Variants in ALDOB observed in about 807,000 individuals in gnomAD.
The protein encoded by ALDOB is aldolase, fructose-bisphosphate B, also known as fructose-bisphosphate aldolase B.
A neutral mutation model predicts 41.0 loss-of-function variants in ALDOB; 39 were observed. That is an observed-to-expected ratio of 0.95 (90% CI 0.74 to 1.24). The LOEUF (loss-of-function observed/expected upper bound fraction) is 1.24, where lower values mean the gene tolerates loss of function less well. Ranked by LOEUF, ALDOB falls within the 50% of genes most tolerant of loss-of-function variation. ALDOB has a pLI of 0.00. For synonymous variants in ALDOB, 175 were observed against 168.8 expected, an observed-to-expected ratio of 1.04 and a Z score of -0.28; for missense variants, 530 against 457.3, an observed-to-expected ratio of 1.16 and a Z score of -1.45.
At position 101,421,671 on chromosome 9, in the gene ALDOB, T is replaced by C; in HGVS notation, c.*138A>G. ...AATAACTGATTTATTTTTTCCCCCTTGTACTTAAGATTTAACATGTGTTGT... is the reference window on the plus strand; with the variant it reads ...AATAACTGATTTATTTTTTCCCCCTCGTACTTAAGATTTAACATGTGTTGT... On this transcript the variant is annotated 3_prime_UTR_variant, in exon 9 of 9. Transcript: ENST00000647789. 2.6e-6 allele frequency: 2 copies of C among 756,646 alleles called. No homozygotes were observed. The highest frequency in any genetic ancestry group is 2.7e-5 in the East Asian group (1 of 37,658). 46.9% of individuals were successfully genotyped at this position (756,646 alleles called of 1,614,324 possible). A position where few individuals can be genotyped will look rare whatever the true frequency, so the allele number is the denominator to read the frequency against.
At chr9:101,430,077 T>C in intron 2 of ALDOB, 111 bp from the exon 3 acceptor site, 1 of 996,956 alleles carries the variant, frequency 1.0e-6, no homozygotes, top group Non-Finnish European at 1.6e-6. Flanking sequence ...GACTTTCTTT[T>C]TTCAGATAGT....
intron 8 of ALDOB, among the ~76,000 whole-genome samples, chr9:101,422,268 C>T (rs1277463626): frequency 6.6e-6 from 1 of 152,128 alleles, no homozygotes; most frequent in Non-Finnish European, 1.5e-5. Context: ...CATTTTCTAC[C>T]TATATTGGTC....
At chr9:101,433,834 A>T (rs1294563665) in intron 1 of ALDOB, among the ~76,000 whole-genome samples, 1 of 152,090 alleles carries the variant, frequency 6.6e-6, no homozygotes, top group East Asian at 1.9e-4. Flanking sequence ...CACTGGCACA[A>T]TCATGACTCA....
At chr9:101,428,372 G>GTAA in intron 4 of ALDOB, 97 bp downstream of exon 4, 1 of 1,123,164 alleles carries the variant, frequency 8.9e-7, no homozygotes, top group Non-Finnish European at 1.4e-6. Flanking sequence ...TAAGACCAGT[G>GTAA]TAATAGTTGT....
At chr9:101,424,419 AAAAC>A (rs71356350) in intron 8 of ALDOB, among the ~76,000 whole-genome samples, 37,621 of 151,814 alleles carry the variant, frequency 0.25, 5,808 homozygotes, top group Non-Finnish European at 0.35. Context: ...ACTCCATCTC[AAAAC>A]AAACAAACAA....
At position 101,421,891 on chromosome 9, in the gene ALDOB, G is replaced by T. The variant is rs77718928; in HGVS notation, c.1013C>A (p.Ala338Glu). 1 of 1,613,818 alleles carries T rather than the reference G, an allele frequency of 6.2e-7. No individual in the cohort carries two copies. The highest frequency in any genetic ancestry group is 8.5e-7 in the Non-Finnish European group (1 of 1,179,910). Reference protein sequence around the residue: ...FMKRAMANCQAAKGQYVHTGS... With the variant: ...FMKRAMANCQEAKGQYVHTGS... ...CGTGTGAACATACTGTCCTTTGGCC[G>T]CCTGGCAGTTAGCCTAGAAGACAAA... Residue 338 changes from alanine to glutamate, a missense_variant, in exon 9 of 9, where the codon GCG becomes GAG. Transcript: ENST00000647789.
intron 5 of ALDOB, 25 bp from the exon 6 acceptor site, chr9:101,426,663 A>G: frequency 4.2e-6 from 6 of 1,420,658 alleles, no homozygotes; most frequent in Non-Finnish European, 6.0e-6. Context: ...CAAGGAAGCA[A>G]AAGTGAAGCT....
intron 3 of ALDOB, 109 bp downstream of exon 3, chr9:101,429,646 A>G: frequency 9.4e-7 from 1 of 1,063,410 alleles, no homozygotes; most frequent in South Asian, 1.3e-5. Context: ...AAAGGGTGAG[A>G]AGAGAAATTT....
chr9:101,428,793 T>C (rs1369327194), intron 3 of ALDOB, among the ~76,000 whole-genome samples: 1 of 152,176 alleles, frequency 6.6e-6, no homozygotes, highest in Non-Finnish European at 1.5e-5. Flanking sequence ...CAACCTCTAC[T>C]CTCTACATAG....
intron 7 of ALDOB, among the ~76,000 whole-genome samples, 200 bp from the exon 8 acceptor site, chr9:101,425,242 A>C (rs1831108173): frequency 6.6e-6 from 1 of 152,210 alleles, no homozygotes; most frequent in Admixed American, 6.5e-5. Flanking sequence ...TAAGGAAGGC[A>C]GTGAAATGTT....
intron 1 of ALDOB, among the ~76,000 whole-genome samples, chr9:101,431,416 C>T (rs1426179014): frequency 6.6e-6 from 1 of 152,208 alleles, no homozygotes; most frequent in Non-Finnish European, 1.5e-5. Context: ...AGCTAACTTC[C>T]ATTTGGCCTC....
intron 1 of ALDOB, among the ~76,000 whole-genome samples, chr9:101,435,343 G>A (rs149714619): frequency 1.3e-5 from 2 of 152,300 alleles, no homozygotes; most frequent in African/African-American, 4.8e-5. Context: ...TATGAAAAGA[G>A]AGTTGAGAGT....
chr9:101,431,942 A>G (rs951502198), intron 1 of ALDOB, among the ~76,000 whole-genome samples: 13 of 152,146 alleles, frequency 8.5e-5, no homozygotes, highest in African/African-American at 3.1e-4. Context: ...GTCTCATCTG[A>G]TCCATTGGCA....
At position 101,421,756 on chromosome 9, in the gene ALDOB, C is replaced by T. The variant is rs183809646; in HGVS notation, c.*53G>A. On this transcript the variant is annotated 3_prime_UTR_variant, in exon 9 of 9. Coordinates refer to ENST00000647789, the MANE Select transcript of ALDOB (RefSeq NM_000035.4). ...TCCAGGATTGGAGGAAAAGTTGCTC[C>T]CTTTCAGCCCTCCTACTAGAAGCAC... The T allele has an allele frequency of 5.2e-5, 77 of 1,483,882 alleles. No individual in the cohort carries two copies. The East Asian group carries it at 1.7e-3, about 33-fold the overall frequency. The allele number at this position is 1,483,882 out of a possible 1,614,324, so 91.9% of individuals were successfully genotyped here. A position where few individuals can be genotyped will look rare whatever the true frequency, so the allele number is the denominator to read the frequency against.
chr9:101,425,625 G>A lies in ALDOB; in HGVS notation c.627C>T (p.Val209=). 1 of 1,614,100 alleles carries A rather than the reference G, an allele frequency of 6.2e-7. No individual in the cohort carries two copies. Among genetic ancestry groups the A allele is most frequent in the South Asian group, 1.1e-5 (1 of 91,072 alleles). ...LEHCQYVTEK[V]LAAVYKALND... ...TCAGGGCCTTGTAGACAGCAGCCAG[G>A]ACCTGAAGGACAAGAGGTCCCACCA... Residue 209 remains valine, a splice_region_variant and synonymous_variant, in exon 7 of 9, where the codon GTC becomes GTT. Coordinates refer to ENST00000647789, the MANE Select transcript of ALDOB (RefSeq NM_000035.4).
At position 101,430,833 on chromosome 9, in the gene ALDOB, T is replaced by TAGA; in HGVS notation, c.54_55insTCT (p.Glu18_Ile19insSer). ...CCATTGGCAACAATGCTCTGGGCAATTTCTGAGAGCTCCTTCTTCTGCTCC... is the reference window on the plus strand; with the variant it reads ...CCATTGGCAACAATGCTCTGGGCAATAGATTCTGAGAGCTCCTTCTTCTGCTCC... On this transcript the variant is annotated inframe_insertion, in exon 2 of 9. Coordinates refer to ENST00000647789, the MANE Select transcript of ALDOB (RefSeq NM_000035.4). The TAGA allele has an allele frequency of 6.2e-7, 1 of 1,614,200 alleles. No homozygotes were observed. The highest frequency in any genetic ancestry group is 1.1e-5 in the South Asian group (1 of 91,084).
At chr9:101,435,669 TG>T (rs1831280771) in intron 1 of ALDOB, 39 bp downstream of exon 1, 1 of 152,200 alleles carries the variant, frequency 6.6e-6, no homozygotes, top group African/African-American at 2.4e-5. Context: ...CCTTATTCAC[TG>T]GTGCTGTCCA....
Position 101,432,163 on chromosome 9 carries a change from A to T in ALDOB, c.-10-1266T>A, listed in dbSNP as rs145701258. Among the ~76,000 whole-genome samples, 624 of 152,344 alleles carry T rather than the reference A, an allele frequency of 4.1e-3. 3 individuals carry two copies. Among genetic ancestry groups the T allele is most frequent in the Non-Finnish European group, 4.8e-3 (324 of 68,036 alleles). ...CCCTTGATATAAAAAGTCAGTAGCC[A>T]CTGAGCTAATTCATGAGAAGGTATA... On this transcript the variant is annotated intron_variant, in intron 1 of 8. Coordinates refer to ENST00000647789, the MANE Select transcript of ALDOB (RefSeq NM_000035.4).
rs533135266 is a variant in ALDOB, at chr9:101,421,837, G to A, written c.1067C>T (p.Ser356Leu). 9.3e-6 allele frequency: 15 copies of A among 1,614,042 alleles called. No individual in the cohort carries two copies. The highest frequency in any genetic ancestry group is 8.0e-5 in the African/African-American group (6 of 75,024). ...GTAGGTATAGCAGGCTGTGAAGAGC[G>A]ACTGGGTGGAAGCAGCCCCAGAAGA... The part of the protein sequence containing the change: ...TGSSGAASTQ[S>L]LFTACYTY Residue 356 changes from serine to leucine, a missense_variant, in exon 9 of 9, where the codon TCG becomes TTG. Physicochemically the swap from Ser to Leu is moderately radical, Grantham distance 145 (BLOSUM62 -2). Transcript: ENST00000647789.
Sources: allele counts gnomAD v4.1 joint callset (sites outside exome capture counted in the v4.1 genomes callset), GRCh38; gene constraint gnomAD v4.1.1; transcripts MANE v1.5; gene names NCBI Gene and HGNC (gene_info 2026-07-23, HGNC 2026-07-21).